GLYATL1: variants seen among roughly 807,000 people sequenced by gnomAD.
GLYATL1 encodes the protein glycine N-acyltransferase-like protein 1.
In GLYATL1, 15 loss-of-function variants were observed where a neutral mutation model predicts 20.0. The ratio of observed to expected loss-of-function variants is 0.75; its 90% confidence interval spans 0.50 to 1.15. The LOEUF (loss-of-function observed/expected upper bound fraction) is 1.15, where lower values mean the gene tolerates loss of function less well. GLYATL1 is among the 50% of genes most tolerant of loss of function. GLYATL1 has a pLI of 0.00. For synonymous variants in GLYATL1, 151 were observed against 131.5 expected, an observed-to-expected ratio of 1.15 and a Z score of -1.01; for missense variants, 380 against 368.5, an observed-to-expected ratio of 1.03 and a Z score of -0.26.
At chr11:58,922,553 C>T (rs1855334311) in intron 1 of GLYATL1, among the ~76,000 whole-genome samples, 1 of 152,160 alleles carries the variant, frequency 6.6e-6, no homozygotes, top group African/African-American at 2.4e-5. Flanking sequence ...CAATTCCTCC[C>T]TCTCCGGTGA....
Position 58,943,601 on chromosome 11 carries a change from A to G in GLYATL1, c.-108A>G, listed in dbSNP as rs543165701. The G allele has an allele frequency of 4.8e-5, 78 of 1,613,624 alleles. 1 individual carries two copies. In the South Asian group the frequency reaches 8.1e-4, roughly 17 times the overall value. On this transcript the variant is annotated 5_prime_UTR_variant, in exon 2 of 7. Transcript: ENST00000532726. Reference sequence around the variant, plus strand: ...CTAGTATCCCCAGGAGCGCGAAGTGAACACGGAAGGTACCTGCAGGATCCA... The same window carrying G: ...CTAGTATCCCCAGGAGCGCGAAGTGGACACGGAAGGTACCTGCAGGATCCA...
chr11:58,909,803 A>G (rs547774648), downstream of GLYATL1, among the ~76,000 whole-genome samples: 1 of 152,334 alleles, frequency 6.6e-6, no homozygotes, highest in South Asian at 2.1e-4. Flanking sequence ...ATTTTCTAAT[A>G]ATGAAACAAT....
At chr11:58,919,032 G>GC (rs1246169673) in intron 1 of GLYATL1, among the ~76,000 whole-genome samples, 2 of 152,206 alleles carry the variant, frequency 1.3e-5, no homozygotes, top group Admixed American at 1.3e-4. Context: ...ACAGGATGGG[G>GC]CCCATCCCAT....
intron 3 of GLYATL1, chr11:58,947,366 G>C (rs1856647415): frequency 1.5e-6 from 1 of 686,150 alleles, no homozygotes. Flanking sequence ...TGCAGGTTTT[G>C]CCACTCATTT....
upstream of GLYATL1, among the ~76,000 whole-genome samples, chr11:58,937,908 C>T (rs1479751256): frequency 6.6e-6 from 1 of 152,170 alleles, no homozygotes; most frequent in Non-Finnish European, 1.5e-5. Flanking sequence ...GCTCCATCAA[C>T]CTCCCACAGA....
intron 3 of GLYATL1, chr11:58,947,615 G>C: frequency 3.8e-6 from 2 of 528,084 alleles, no homozygotes; most frequent in Admixed American, 6.2e-5. Context: ...ATTGCCAAGT[G>C]CCCAGCTAGT....
At chr11:58,950,101 C>G (rs71486433) in intron 4 of GLYATL1, among the ~76,000 whole-genome samples, 1 of 71,492 alleles carries the variant, frequency 1.4e-5, no homozygotes, top group South Asian at 5.5e-4. Context: ...AACCCTGTCT[C>G]TACTAAAAAT....
At chr11:58,926,636 T>C (rs1209609249), upstream of GLYATL1, among the ~76,000 whole-genome samples, 1 of 152,196 alleles carries the variant, frequency 6.6e-6, no homozygotes, top group Non-Finnish European at 1.5e-5. Flanking sequence ...GTATGGGGGA[T>C]TGCAATACGG....
chr11:58,919,686 A>G (rs1855261931), intron 1 of GLYATL1, among the ~76,000 whole-genome samples: 1 of 152,184 alleles, frequency 6.6e-6, no homozygotes, highest in African/African-American at 2.4e-5. Flanking sequence ...GAAGCAGCTC[A>G]TTAAAATCCA....
intron 2 of GLYATL1, chr11:58,946,731 T>G: frequency 2.8e-6 from 1 of 363,336 alleles, no homozygotes; most frequent in Non-Finnish European, 5.1e-6. Context: ...AAACTTATGA[T>G]GGTAGTGGTG....
intron 1 of GLYATL1, among the ~76,000 whole-genome samples, chr11:58,932,866 A>C (rs1315098865): frequency 6.6e-6 from 1 of 152,254 alleles, no homozygotes; most frequent in East Asian, 1.9e-4. Flanking sequence ...AAGGGAGATA[A>C]GATGAAGGAG....
chr11:58,947,477 A>G, intron 3 of GLYATL1: 1 of 471,174 alleles, frequency 2.1e-6, no homozygotes, highest in Non-Finnish European at 3.8e-6. Flanking sequence ...GGCTTTGTGG[A>G]TGTTTCTTTC....
At chr11:58,946,912 G>C (rs1856603827) in intron 2 of GLYATL1, 134 bp from the exon 3 acceptor site, 5 of 724,194 alleles carry the variant, frequency 6.9e-6, no homozygotes, top group Non-Finnish European at 1.2e-5. Context: ...GTCCCTCTGA[G>C]ATTTGGTGTA....
intron 4 of GLYATL1, among the ~76,000 whole-genome samples, chr11:58,948,274 G>A (rs890711618): frequency 6.6e-6 from 1 of 152,164 alleles, no homozygotes; most frequent in Non-Finnish European, 1.5e-5. Flanking sequence ...AATTTACAGG[G>A]AAAGTTGGGT....
exon 2 of GLYATL1, chr11:58,908,557 C>A: frequency 5.0e-6 from 1 of 201,766 alleles, no homozygotes. Context: ...GGCATATCTA[C>A]TTTTTTACAA....
chr11:58,909,075 T>C (rs892353179), downstream of GLYATL1, among the ~76,000 whole-genome samples: 10 of 152,194 alleles, frequency 6.6e-5, no homozygotes, highest in African/African-American at 2.4e-4. Context: ...TGGAAAATGA[T>C]AATACTAAAT....
chr11:58,955,950 G>A lies in GLYATL1; in HGVS notation c.832G>A (p.Gly278Arg). ...EENEDSRRFV[G>R]QFGFFEASCE... is the part of the protein sequence containing the mutation. ...AAATGAAGACTCCCGCAGATTTGTGGGGCAGTTTGGTTTCTTTGAGGCCTC... is the reference window on the plus strand; with the variant it reads ...AAATGAAGACTCCCGCAGATTTGTGAGGCAGTTTGGTTTCTTTGAGGCCTC... The change falls in exon 7 of 7, where the codon GGG becomes AGG. Residue 278 changes from glycine to arginine, a missense_variant. By Grantham distance (125) the Gly-to-Arg change is moderately radical (BLOSUM62 -2). Transcript: ENST00000532726. The A allele has an allele frequency of 6.2e-7, 1 of 1,614,134 alleles. No homozygotes were observed. The highest frequency in any genetic ancestry group is 8.5e-7 in the Non-Finnish European group (1 of 1,179,988).
At chr11:58,938,757 C>G (rs1030773453), upstream of GLYATL1, among the ~76,000 whole-genome samples, 9 of 152,240 alleles carry the variant, frequency 5.9e-5, no homozygotes, top group African/African-American at 2.2e-4. Context: ...GGTCTAGTTC[C>G]AGCCGTATCC....
At chr11:58,944,416 G>A (rs545646323) in intron 2 of GLYATL1, among the ~76,000 whole-genome samples, 12 of 152,114 alleles carry the variant, frequency 7.9e-5, no homozygotes, top group African/African-American at 2.6e-4. Context: ...GATAGCTGAT[G>A]GGACTGTGGG....
Sources: gnomAD v4.1 joint callset for allele counts (sites outside exome capture counted in the v4.1 genomes callset) on GRCh38, gnomAD v4.1.1 for gene constraint, MANE v1.5 for transcripts, NCBI Gene and HGNC (gene_info 2026-07-23, HGNC 2026-07-21) for gene names.